DGKB: variants seen among roughly 807,000 people sequenced by gnomAD.
DGKB encodes the protein diacylglycerol kinase beta, also known as 90 kDa diacylglycerol kinase.
A neutral mutation model predicts 114.3 loss-of-function variants in DGKB; 67 were observed. That is an observed-to-expected ratio of 0.59 (90% confidence interval 0.48 to 0.72). The LOEUF (loss-of-function observed/expected upper bound fraction) is 0.72. Among genes scored for constraint, DGKB ranks in the 30% least tolerant of loss-of-function variants. The pLI is 0.00. For synonymous variants in DGKB, 398 were observed against 323.1 expected (o/e 1.23, Z -2.49); for missense variants, 907 against 975.2 (o/e 0.93, Z 0.93).
At chr7:14,822,812 A>G (rs1390224494) in intron 2 of DGKB, among the ~76,000 whole-genome samples, 1 of 152,140 alleles carries the variant, frequency 6.6e-6, no homozygotes, top group Non-Finnish European at 1.5e-5. Flanking sequence ...TTCTTCCACA[A>G]TTGTTCTAAC....
chr7:14,778,751 A>T (rs901165787), intron 2 of DGKB, among the ~76,000 whole-genome samples: 13 of 152,260 alleles, frequency 8.5e-5, no homozygotes, highest in African/African-American at 3.1e-4. Flanking sequence ...TAGATAACCA[A>T]GCATTTTAAA....
At chr7:14,614,298 T>C (rs1157746339) in intron 15 of DGKB, among the ~76,000 whole-genome samples, 6 of 152,164 alleles carry the variant, frequency 3.9e-5, no homozygotes, top group African/African-American at 1.4e-4. Context: ...TGTTGTCTCT[T>C]ACCTGATTCC....
intron 22 of DGKB, among the ~76,000 whole-genome samples, chr7:14,339,944 C>G (rs574702002): frequency 6.6e-6 from 1 of 151,634 alleles, no homozygotes; most frequent in African/African-American, 2.4e-5. Context: ...TGATGAAAAA[C>G]AAACAAAACA....
intron 2 of DGKB, among the ~76,000 whole-genome samples, chr7:14,785,896 T>G (rs1839823971): frequency 6.6e-6 from 1 of 151,050 alleles, no homozygotes; most frequent in African/African-American, 2.4e-5. Flanking sequence ...AGTTTTTCTT[T>G]TTTTTTTTTT....
rs944866269 is a variant in DGKB, at chr7:14,273,553, T to A, written c.2122+64962A>T. On this transcript the variant is annotated intron_variant, in intron 23 of 25. Transcript: ENST00000402815. Reference sequence around the variant, plus strand: ...ACTGTGGGCTTTCTGATTTATTACATTGTTGTATTGACACAAGGCAGAAGT... The same window carrying A: ...ACTGTGGGCTTTCTGATTTATTACAATGTTGTATTGACACAAGGCAGAAGT... Among the ~76,000 whole-genome samples the A allele has an allele frequency of 3.9e-5, 6 of 152,330 alleles. No individual in the cohort carries two copies. In the East Asian group the frequency reaches 5.8e-4, roughly 15 times the overall value.
At chr7:14,854,884 T>C (rs1489593715) in intron 1 of DGKB, among the ~76,000 whole-genome samples, 3 of 151,990 alleles carry the variant, frequency 2.0e-5, no homozygotes, top group Admixed American at 2.0e-4. Flanking sequence ...TGAAGGGAAA[T>C]AGACACGTAA....
intron 15 of DGKB, among the ~76,000 whole-genome samples, chr7:14,620,414 C>T (rs942685961): frequency 6.6e-6 from 1 of 150,914 alleles, no homozygotes; most frequent in African/African-American, 2.4e-5. Context: ...TTCTCTGTGC[C>T]CTGAACTGTG....
At chr7:14,452,115 T>C (rs1431761472) in intron 21 of DGKB, among the ~76,000 whole-genome samples, 1 of 152,094 alleles carries the variant, frequency 6.6e-6, no homozygotes, top group Non-Finnish European at 1.5e-5. Context: ...TCACCATCGA[T>C]ATGCTTGCAA....
At chr7:14,499,445 AC>A (rs1340703679) in intron 20 of DGKB, among the ~76,000 whole-genome samples, 6 of 151,742 alleles carry the variant, frequency 4.0e-5, no homozygotes, top group African/African-American at 1.4e-4. Context: ...ATCCACAAAA[AC>A]ATTATTGGCT....
chr7:14,711,948 G>C (rs1419093113), intron 6 of DGKB, among the ~76,000 whole-genome samples: 1 of 152,130 alleles, frequency 6.6e-6, no homozygotes, highest in African/African-American at 2.4e-5. Flanking sequence ...CCATCCGTAT[G>C]GATACTCACC....
intron 8 of DGKB, among the ~76,000 whole-genome samples, chr7:14,696,630 A>G (rs1301575869): frequency 1.3e-5 from 2 of 150,498 alleles, no homozygotes; most frequent in Non-Finnish European, 3.0e-5. Flanking sequence ...TAGAAAGGTG[A>G]GTAGGAGAGG....
chr7:14,283,464 A>T (rs1483717861), intron 23 of DGKB, among the ~76,000 whole-genome samples: 1 of 151,068 alleles, frequency 6.6e-6, no homozygotes, highest in Non-Finnish European at 1.5e-5. Context: ...ATTCAATGCC[A>T]TCCCCATCAA....
intron 21 of DGKB, among the ~76,000 whole-genome samples, chr7:14,420,664 T>C (rs551877404): frequency 1.3e-5 from 2 of 152,254 alleles, no homozygotes; most frequent in East Asian, 3.9e-4. Flanking sequence ...GAAATTATTA[T>C]AGACACGGAC....
intron 1 of DGKB, among the ~76,000 whole-genome samples, chr7:14,883,886 T>C (rs992194089): frequency 1.3e-4 from 19 of 151,972 alleles, no homozygotes; most frequent in African/African-American, 4.6e-4. Context: ...AACAAACAAG[T>C]GGATTAGTAG....
At position 14,843,867 on chromosome 7, in the gene DGKB, G is replaced by T. The variant is rs1848285155; in HGVS notation, c.-187-2417C>A. 9.5e-5 allele frequency among the ~76,000 whole-genome samples: 3 copies of T among 31,518 alleles called. No homozygotes were observed. The African/African-American group carries it at 1.2e-3, about 13-fold the overall frequency. 20.7% of individuals were successfully genotyped at this position (31,518 alleles called of 152,430 possible). A position where few individuals can be genotyped will look rare whatever the true frequency, so the allele number is the denominator to read the frequency against. On this transcript the variant is annotated intron_variant, in intron 1 of 25. Coordinates refer to ENST00000402815, the MANE Select transcript of DGKB (RefSeq NM_001350709.2). ...GTGTCAGCTTTATTGAGAGCTTACA[G>T]TTACACGAAAGGCAGTCTCCTAATC...
At chr7:14,555,575 A>G (rs912568787) in intron 20 of DGKB, among the ~76,000 whole-genome samples, 4 of 152,184 alleles carry the variant, frequency 2.6e-5, no homozygotes, top group African/African-American at 9.7e-5. Context: ...AGGCATTTGA[A>G]CCAGAGCAAC....
intron 4 of DGKB, among the ~76,000 whole-genome samples, chr7:14,741,945 A>G (rs1341400690): frequency 6.6e-6 from 1 of 152,138 alleles, no homozygotes; most frequent in Non-Finnish European, 1.5e-5. Flanking sequence ...TTTTTTCTTC[A>G]TGGATCTTGT....
chr7:14,201,734 G>A (rs563084493), intron 23 of DGKB, among the ~76,000 whole-genome samples: 1 of 151,580 alleles, frequency 6.6e-6, no homozygotes, highest in Non-Finnish European at 1.5e-5. Context: ...TAGAGAGGAC[G>A]GCCTGGTGAA....
intron 13 of DGKB, among the ~76,000 whole-genome samples, chr7:14,658,029 G>A (rs924816225): frequency 1.3e-5 from 2 of 151,940 alleles, no homozygotes; most frequent in African/African-American, 2.4e-5. Context: ...CATACTCTAT[G>A]CTATTTAAGA....
Sources: gnomAD v4.1 joint callset for allele counts (sites outside exome capture counted in the v4.1 genomes callset) on GRCh38, gnomAD v4.1.1 for gene constraint, MANE v1.5 for transcripts, NCBI Gene and HGNC (gene_info 2026-07-23, HGNC 2026-07-21) for gene names.